Variants in UNC13C observed in about 807,000 individuals in gnomAD.
UNC13C encodes protein unc-13 homolog C.
UNC13C carries 174 observed loss-of-function variants against 245.4 expected under a neutral mutation model. That is an observed-to-expected ratio of 0.71 (90% CI 0.63 to 0.80). UNC13C has a LOEUF of 0.80. Among genes scored for constraint, UNC13C ranks in the 30% least tolerant of loss-of-function variants. The probability of loss-of-function intolerance (pLI) is 0.00; values close to 1 mark genes in which losing one functional copy is unlikely to be tolerated. For synonymous variants in UNC13C, 992 were observed against 895.1 expected, an observed-to-expected ratio of 1.11 and a Z score of -1.93; for missense variants, 2,829 against 2,602.9, an observed-to-expected ratio of 1.09 and a Z score of -1.89.
Position 54,015,888 on chromosome 15 carries a change from TATTCATGTTTA to T in UNC13C, c.2983+4_2983+14del. Reference sequence around the variant, plus strand: ...TGGAAGAGAAGATCTTGGCTGGAGGTATTCATGTTTAAATGCTACATTGTGAGCTAATTGTG... The same window carrying T: ...TGGAAGAGAAGATCTTGGCTGGAGGTAATGCTACATTGTGAGCTAATTGTG... On this transcript the variant is annotated splice_donor_5th_base_variant and intron_variant, in intron 2 of 32. Transcript: ENST00000260323. 6.4e-7 allele frequency: 1 copy of T among 1,563,446 alleles called. No homozygotes were observed. Among genetic ancestry groups the T allele is most frequent in the Non-Finnish European group, 8.6e-7 (1 of 1,157,758 alleles).
intron 16 of UNC13C, 64 bp downstream of exon 16, chr15:54,333,920 GT>G: frequency 7.9e-7 from 1 of 1,265,410 alleles, no homozygotes; most frequent in Non-Finnish European, 1.1e-6. Context: ...CCCTGGTAAA[GT>G]CTTGCTTTAC....
chr15:54,109,903 A>C (rs760205821), intron 2 of UNC13C, among the ~76,000 whole-genome samples: 44 of 152,070 alleles, frequency 2.9e-4, no homozygotes, highest in Non-Finnish European at 5.3e-4. Context: ...TGGCTATCCC[A>C]TCTGTCTTGG....
chr15:54,072,475 T>C (rs1369504914), intron 2 of UNC13C, among the ~76,000 whole-genome samples: 1 of 152,200 alleles, frequency 6.6e-6, no homozygotes, highest in Non-Finnish European at 1.5e-5. Flanking sequence ...CAATAGAGCA[T>C]GAAGAGGGGA....
At chr15:53,998,959 T>A (rs1315634030) in intron 1 of UNC13C, among the ~76,000 whole-genome samples, 1 of 152,056 alleles carries the variant, frequency 6.6e-6, no homozygotes, top group Non-Finnish European at 1.5e-5. Flanking sequence ...TTATGCTTGA[T>A]CGTGATCTAT....
intron 4 of UNC13C, among the ~76,000 whole-genome samples, chr15:54,173,581 T>C (rs2033497713): frequency 6.6e-6 from 1 of 152,128 alleles, no homozygotes; most frequent in South Asian, 2.1e-4. Flanking sequence ...TTCTGCAACT[T>C]TGCCAGATCA....
In UNC13C at chr15:54,143,569, T is replaced by C. The variant is rs372442026; in HGVS notation, c.3007-51T>C. On this transcript the variant is annotated intron_variant, in intron 3 of 32. Coordinates refer to ENST00000260323, the MANE Select transcript of UNC13C (RefSeq NM_001080534.3). Reference sequence around the variant, plus strand: ...TCCCGATTTCGTGTACATAAAACTGTAGTATGCTAAAAGCCTGTTTGTTTT... The same window carrying C: ...TCCCGATTTCGTGTACATAAAACTGCAGTATGCTAAAAGCCTGTTTGTTTT... 1.4e-5 allele frequency: 21 copies of C among 1,487,548 alleles called. No individual in the cohort carries two copies. In the African/African-American group the frequency reaches 2.6e-4, roughly 19 times the overall value. 92.1% of individuals were successfully genotyped at this position (1,487,548 alleles called of 1,614,324 possible).
chr15:54,463,421 T>C lies in UNC13C; in HGVS notation c.4934-31187T>C, dbSNP rs796579503. ...TGCTGCTCACTCTTTGGGTCTGCAC[T>C]GCCTTTATGAGCTGTAACACTCACC... On this transcript the variant is annotated intron_variant, in intron 19 of 32. Coordinates refer to ENST00000260323, the MANE Select transcript of UNC13C (RefSeq NM_001080534.3). Among the ~76,000 whole-genome samples, 12 of 152,014 alleles carry C rather than the reference T, an allele frequency of 7.9e-5. 1 individual carries two copies. The highest frequency in any genetic ancestry group is 2.9e-4 in the African/African-American group (12 of 41,484).
At chr15:54,140,084 A>G (rs1413079638) in intron 2 of UNC13C, among the ~76,000 whole-genome samples, 1 of 152,080 alleles carries the variant, frequency 6.6e-6, no homozygotes, top group African/African-American at 2.4e-5. Flanking sequence ...TAAATTATTA[A>G]TATTTTTATA....
intron 21 of UNC13C, among the ~76,000 whole-genome samples, 183 bp from the exon 22 acceptor site, chr15:54,500,652 A>G (rs1894165923): frequency 6.6e-6 from 1 of 152,120 alleles, no homozygotes; most frequent in South Asian, 2.1e-4. Flanking sequence ...TTGCCCCATG[A>G]TATTAGTTCC....
At chr15:54,134,892 A>G (rs563566560) in intron 2 of UNC13C, among the ~76,000 whole-genome samples, 1 of 152,318 alleles carries the variant, frequency 6.6e-6, no homozygotes, top group East Asian at 1.9e-4. Context: ...AGGAACCTCC[A>G]TACTGCTTTA....
At chr15:54,363,966 T>A (rs1199433178) in intron 17 of UNC13C, among the ~76,000 whole-genome samples, 1 of 152,194 alleles carries the variant, frequency 6.6e-6, no homozygotes, top group Non-Finnish European at 1.5e-5. Context: ...TGTCATACAT[T>A]TGCGTAAATG....
intron 26 of UNC13C, among the ~76,000 whole-genome samples, chr15:54,537,901 A>G (rs1896056577): frequency 6.6e-6 from 1 of 151,954 alleles, no homozygotes; most frequent in Non-Finnish European, 1.5e-5. Flanking sequence ...AAACCTAGGA[A>G]AAACCATTCT....
At chr15:53,906,939 C>A in the UNC13C span, among the ~76,000 whole-genome samples, 1 of 152,054 alleles carries the variant, frequency 6.6e-6, no homozygotes, top group Non-Finnish European at 1.5e-5. Context: ...AACTCACTCA[C>A]GATCATGATA....
Position 54,588,633 on chromosome 15 carries a change from AC to A in UNC13C, c.6106+20691del, listed in dbSNP as rs542307452. On this transcript the variant is annotated intron_variant, in intron 30 of 32. Transcript: ENST00000260323. ...GCCATATTTCTTGTCTTTTATCCCT[AC>A]CCCCTTCCCCTCTTCCTCCCAAGTT... Among the ~76,000 whole-genome samples, 32 of 151,672 alleles carry A rather than the reference AC, an allele frequency of 2.1e-4. No individual in the cohort carries two copies. In the East Asian group the frequency reaches 6.0e-3, roughly 29 times the overall value.
intron 2 of UNC13C, among the ~76,000 whole-genome samples, chr15:54,054,041 G>T (rs1359045345): frequency 6.6e-6 from 1 of 152,108 alleles, no homozygotes; most frequent in Non-Finnish European, 1.5e-5. Flanking sequence ...AGACACTTAG[G>T]TTGCTTCCAA....
chr15:54,198,178 G>A (rs1009519276), intron 4 of UNC13C, among the ~76,000 whole-genome samples: 7 of 152,082 alleles, frequency 4.6e-5, no homozygotes, highest in African/African-American at 1.7e-4. Flanking sequence ...AAGCCCTGCC[G>A]AAGGAGGGGC....
intron 2 of UNC13C, chr15:54,049,230 A>T: frequency 2.0e-6 from 1 of 507,858 alleles, no homozygotes; most frequent in South Asian, 1.6e-5. Flanking sequence ...TTGCTATGGT[A>T]TCATTACTCA....
intron 17 of UNC13C, among the ~76,000 whole-genome samples, chr15:54,353,832 TTTACTCTAGC>T (rs1264527272): frequency 6.6e-6 from 1 of 152,120 alleles, no homozygotes; most frequent in African/African-American, 2.4e-5. Flanking sequence ...GTCCTTGGCT[TTTACTCTAGC>T]TACACCGCTT....
intron 14 of UNC13C, among the ~76,000 whole-genome samples, chr15:54,331,488 C>A (rs1392008101): frequency 6.6e-6 from 1 of 152,014 alleles, no homozygotes; most frequent in Non-Finnish European, 1.5e-5. Context: ...TCATACACAG[C>A]CTTTAAAAGC....
Sources: allele counts gnomAD v4.1 joint callset (sites outside exome capture counted in the v4.1 genomes callset), GRCh38; gene constraint gnomAD v4.1.1; transcripts MANE v1.5; gene names NCBI Gene and HGNC (gene_info 2026-07-23, HGNC 2026-07-21).